Variants in SPON1 observed in about 807,000 individuals in gnomAD.
SPON1 encodes spondin 1, also known as spondin-1.
A neutral mutation model predicts 111.7 loss-of-function variants in SPON1; 52 were observed. The observed-to-expected ratio is 0.47, with a 90% CI of 0.37 to 0.59. SPON1 has a LOEUF of 0.59. SPON1 is among the 20% of genes least tolerant of loss of function. The pLI, the probability that SPON1 is intolerant of heterozygous loss-of-function variation, is 0.00. For missense variants in SPON1, 957 were observed against 1,068.5 expected (o/e 0.90, Z 1.46); for synonymous variants, 410 against 395.8 (o/e 1.04, Z -0.43).
rs1554942565 is a variant in SPON1, at chr11:14,267,049, C to T, written c.*1362C>T. 6.6e-6 allele frequency: 1 copy of T among 152,182 alleles called. No individual in the cohort carries two copies. The highest frequency in any genetic ancestry group is 1.9e-4 in the East Asian group (1 of 5,198). 9.4% of individuals were successfully genotyped at this position (152,182 alleles called of 1,614,324 possible). ...ATTTCTTCTTTTATAGGCCTTATTA[C>T]TGCTTAATCCAAATGTGTACCATTG... On this transcript the variant is annotated 3_prime_UTR_variant, in exon 16 of 16. Transcript: ENST00000576479.
chr11:14,259,300 T>C lies in SPON1; in HGVS notation c.1513T>C (p.Ser505Pro), dbSNP rs1554941593. 2 of 1,612,622 alleles carry C rather than the reference T, an allele frequency of 1.2e-6. No homozygotes were observed. The highest frequency in any genetic ancestry group is 2.2e-5 in the South Asian group (2 of 90,612). The change falls in exon 12 of 16, where the codon TCC becomes CCC. Residue 505 changes from serine (S) to proline (P), a missense_variant. Around this residue, in one of 5 missense-constraint regions of SPON1, gnomAD observed 549 missense variants for 606.2 expected, o/e 0.91. Coordinates refer to ENST00000576479, the MANE Select transcript of SPON1 (RefSeq NM_006108.4). This position sits in a 1 kb window ranked among gnomAD's most constrained non-coding sequence, Gnocchi z 5.0. ...TGCAGACGGCTCCACCTGCACCATG[T>C]CCGAGTGGATCACCTGGTCGCCCTG... is the stretch of plus-strand genomic sequence containing the variant. Reference protein sequence around the residue: ...SDEDGSTCTMSEWITWSPCSI... With the variant: ...SDEDGSTCTMPEWITWSPCSI...
intron 5 of SPON1, among the ~76,000 whole-genome samples, chr11:14,127,658 A>C (rs905339518): frequency 6.6e-6 from 1 of 152,248 alleles, no homozygotes; most frequent in Non-Finnish European, 1.5e-5. Context: ...CTGTATTAAC[A>C]GTTTTCTTTT....
intron 2 of SPON1, among the ~76,000 whole-genome samples, chr11:13,984,799 G>A (rs1402187985): frequency 2.0e-5 from 3 of 152,162 alleles, no homozygotes; most frequent in Non-Finnish European, 4.4e-5. Flanking sequence ...GGTGAATACA[G>A]GGCCCTGCTC....
At chr11:14,005,232 C>T (rs912096358) in intron 2 of SPON1, among the ~76,000 whole-genome samples, 23 of 152,206 alleles carry the variant, frequency 1.5e-4, no homozygotes, top group Admixed American at 3.9e-4. Context: ...TTGTTGTTGG[C>T]AGCTGCCCTG....
intron 5 of SPON1, among the ~76,000 whole-genome samples, chr11:14,084,530 T>G (rs1848990278): frequency 6.6e-6 from 1 of 152,246 alleles, no homozygotes; most frequent in Admixed American, 6.5e-5. Flanking sequence ...TGATGCATTT[T>G]CTTTATCCAG....
At chr11:14,024,108 C>G (rs1465949117) in intron 2 of SPON1, among the ~76,000 whole-genome samples, 5 of 152,106 alleles carry the variant, frequency 3.3e-5, no homozygotes, top group Non-Finnish European at 7.4e-5. Context: ...AGTACTCAAA[C>G]CCCTAAAGGG....
chr11:14,140,932 GC>G (rs1847646600), intron 6 of SPON1, among the ~76,000 whole-genome samples: 1 of 151,682 alleles, frequency 6.6e-6, no homozygotes, highest in Admixed American at 6.6e-5. Flanking sequence ...AACCTTCCTT[GC>G]CATGTTCCCG....
chr11:14,191,239 C>T (rs1554934527), intron 6 of SPON1, among the ~76,000 whole-genome samples: 1 of 152,182 alleles, frequency 6.6e-6, no homozygotes, highest in Non-Finnish European at 1.5e-5. Flanking sequence ...CCCCAACTGG[C>T]CACGGCAGTG....
At chr11:14,110,772 G>C (rs1554925386) in intron 5 of SPON1, among the ~76,000 whole-genome samples, 2 of 152,160 alleles carry the variant, frequency 1.3e-5, no homozygotes, top group African/African-American at 4.8e-5. Flanking sequence ...CAGTCCACTG[G>C]CTCAAATGTC....
At chr11:14,243,829 A>G (rs1554939972) in intron 7 of SPON1, among the ~76,000 whole-genome samples, 1 of 151,994 alleles carries the variant, frequency 6.6e-6, no homozygotes, top group Non-Finnish European at 1.5e-5. Flanking sequence ...TCCCAGAGAG[A>G]TTTTATCTGC....
chr11:14,047,351 C>T (rs1296505522), intron 3 of SPON1, among the ~76,000 whole-genome samples: 1 of 152,124 alleles, frequency 6.6e-6, no homozygotes, highest in East Asian at 1.9e-4. Flanking sequence ...AACTTCCCTT[C>T]TTTATCATGT....
At chr11:14,082,570 C>G (rs1250227430) in intron 5 of SPON1, among the ~76,000 whole-genome samples, 1 of 152,168 alleles carries the variant, frequency 6.6e-6, no homozygotes, top group Non-Finnish European at 1.5e-5. Flanking sequence ...TCATTATGAC[C>G]TGGGAGGCAG....
intron 3 of SPON1, among the ~76,000 whole-genome samples, chr11:14,073,820 G>A (rs1176379854): frequency 6.6e-6 from 1 of 152,168 alleles, no homozygotes; most frequent in African/African-American, 2.4e-5. Context: ...CCTCCCTCAG[G>A]CCCCTAAGCA....
intron 2 of SPON1, among the ~76,000 whole-genome samples, chr11:13,995,005 C>T (rs2133789336): frequency 6.6e-6 from 1 of 152,250 alleles, no homozygotes; most frequent in Middle Eastern, 3.4e-3. Flanking sequence ...TCAAGTATTT[C>T]CATATCATTC....
chr11:14,023,686 A>G (rs1457453167), intron 2 of SPON1, among the ~76,000 whole-genome samples: 1 of 152,296 alleles, frequency 6.6e-6, no homozygotes, highest in African/African-American at 2.4e-5. Context: ...AGCAGGAAGC[A>G]GGAAAGGAGG....
intron 6 of SPON1, among the ~76,000 whole-genome samples, chr11:14,149,292 G>T (rs1847760647): frequency 6.6e-6 from 1 of 151,886 alleles, no homozygotes; most frequent in South Asian, 2.1e-4. Flanking sequence ...TTACATCTTA[G>T]CTTTTAACAA....
chr11:14,013,045 A>T (rs896500185), intron 2 of SPON1, among the ~76,000 whole-genome samples: 1 of 152,200 alleles, frequency 6.6e-6, no homozygotes, highest in Admixed American at 6.5e-5. Flanking sequence ...TTCTAACGGC[A>T]ACCTCATCTT....
chr11:14,224,699 G>A, intron 6 of SPON1: 1 of 481,040 alleles, frequency 2.1e-6, no homozygotes, highest in South Asian at 1.6e-5. Flanking sequence ...TGAGGATGAA[G>A]ATGAGGATGG....
chr11:13,975,379 C>G (rs1848094627), intron 1 of SPON1, among the ~76,000 whole-genome samples: 1 of 152,136 alleles, frequency 6.6e-6, no homozygotes, highest in Non-Finnish European at 1.5e-5. Flanking sequence ...GCATTTAAGA[C>G]AAATAAAACC....
Sources: gnomAD v4.1 joint callset for allele counts (sites outside exome capture counted in the v4.1 genomes callset) on GRCh38, gnomAD v4.1.1 for gene constraint, gnomAD v4.1.1 regional missense constraint, Gnocchi (gnomAD v3.1) non-coding constraint, MANE v1.5 for transcripts, NCBI Gene and HGNC (gene_info 2026-07-23, HGNC 2026-07-21) for gene names.